The following ZNF445 variants were observed in gnomAD, a reference collection of about 807,000 sequenced individuals.
ZNF445 encodes zinc finger protein 445, also known as zinc finger protein 168.
A neutral mutation model predicts 93.9 loss-of-function variants in ZNF445; 19 were observed. That is an observed-to-expected ratio of 0.20 (90% confidence interval 0.14 to 0.30). The LOEUF (loss-of-function observed/expected upper bound fraction) is 0.30. ZNF445 is among the 10% of genes least tolerant of loss of function. The probability of loss-of-function intolerance (pLI) is 1.00; values close to 1 mark genes in which losing one functional copy is unlikely to be tolerated. For missense variants in ZNF445, 1,058 were observed against 1,259.4 expected, an observed-to-expected ratio of 0.84 and a Z score of 2.42; for synonymous variants, 449 against 446.3, an observed-to-expected ratio of 1.01 and a Z score of -0.08.
chr3:44,441,000 A>G lies in ZNF445; in HGVS notation c.*5575T>C, dbSNP rs1443097984. On this transcript the variant is annotated 3_prime_UTR_variant, in exon 8 of 8. Transcript: ENST00000396077. The stretch of plus-strand genomic sequence containing the variant: ...ACCATCTTGGCTCACTGCAACCTCC[A>G]ACTCCCGGGATCTAGAGATTCTCCT... 2 of 147,208 alleles carry G rather than the reference A, an allele frequency of 1.4e-5. No homozygotes were observed. The highest frequency in any genetic ancestry group is 5.0e-5 in the African/African-American group (2 of 39,718). The allele number at this position is 147,208 out of a possible 1,614,324, so 9.1% of individuals were successfully genotyped here. A position where few individuals can be genotyped will look rare whatever the true frequency, so the allele number is the denominator to read the frequency against.
rs1697789712 is a variant in ZNF445, at chr3:44,440,507, T to A, written c.*6068A>T. The A allele has an allele frequency of 1.3e-5, 2 of 152,192 alleles. No homozygotes were observed. The highest frequency in any genetic ancestry group is 4.1e-4 in the South Asian group (2 of 4,830). 9.4% of individuals were successfully genotyped at this position (152,192 alleles called of 1,614,324 possible). A position where few individuals can be genotyped will look rare whatever the true frequency, so the allele number is the denominator to read the frequency against. On this transcript the variant is annotated 3_prime_UTR_variant, in exon 8 of 8. Transcript: ENST00000396077. ...GTGCGTCAGTATATAGAGAACATCCTCATTTTTAAAAAAACTGTGGCCTGG... is the reference window on the plus strand; with the variant it reads ...GTGCGTCAGTATATAGAGAACATCCACATTTTTAAAAAAACTGTGGCCTGG...
chr3:44,431,915 TTTTA>T lies in ZNF445; in HGVS notation c.*14656_*14659del, dbSNP rs1385888348. The T allele has an allele frequency of 6.7e-6, 1 of 149,364 alleles. No homozygotes were observed. Among genetic ancestry groups the T allele is most frequent in the Non-Finnish European group, 1.5e-5 (1 of 68,020 alleles). The allele number at this position is 149,364 out of a possible 1,614,324, so 9.3% of individuals were successfully genotyped here. A position where few individuals can be genotyped will look rare whatever the true frequency, so the allele number is the denominator to read the frequency against. On this transcript the variant is annotated 3_prime_UTR_variant, in exon 8 of 8. Coordinates refer to ENST00000396077, the MANE Select transcript of ZNF445 (RefSeq NM_181489.6). ...ATCTGAAGATTATATGAAATTTATT[TTTTA>T]TTTTTTATTTTTTTGAGACAGGGTC... is the stretch of plus-strand genomic sequence containing the variant.
In ZNF445 at chr3:44,433,301, A is replaced by G. The variant is rs1697600209; in HGVS notation, c.*13274T>C. 6.6e-6 allele frequency: 1 copy of G among 152,076 alleles called. No homozygotes were observed. The highest frequency in any genetic ancestry group is 2.1e-4 in the South Asian group (1 of 4,822). The allele number at this position is 152,076 out of a possible 1,614,324, so 9.4% of individuals were successfully genotyped here. ...GGCTACTTTTGTATTTTTAGTAGAGACAGGGAGTTCAGACTGGTCTCGAAC... is the reference window on the plus strand; with the variant it reads ...GGCTACTTTTGTATTTTTAGTAGAGGCAGGGAGTTCAGACTGGTCTCGAAC... On this transcript the variant is annotated 3_prime_UTR_variant, in exon 8 of 8. Transcript: ENST00000396077.
rs923033589 is a variant in ZNF445 at position 44,441,533 on chromosome 3, C to T, written c.*5042G>A. ...CTGGTTCAAACGCCTCTGACACTCC[C>T]AATTTTTGCAGGTGAGGAAATGGAA... On this transcript the variant is annotated 3_prime_UTR_variant, in exon 8 of 8. Transcript: ENST00000396077. 9 of 152,170 alleles carry T rather than the reference C, an allele frequency of 5.9e-5. No homozygotes were observed. Among genetic ancestry groups the T allele is most frequent in the African/African-American group, 2.2e-4 (9 of 41,438 alleles). The allele number at this position is 152,170 out of a possible 1,614,324, so 9.4% of individuals were successfully genotyped here.
At chr3:44,449,463 G>A in intron 7 of ZNF445, 50 bp downstream of exon 7, 1 of 1,428,120 alleles carries the variant, frequency 7.0e-7, no homozygotes, top group African/African-American at 1.4e-5. Flanking sequence ...TTAAGAAAGA[G>A]AAAAGTAAAA....
rs942995807 is a variant in ZNF445 at position 44,435,557 on chromosome 3, T to C, written c.*11018A>G. On this transcript the variant is annotated 3_prime_UTR_variant, in exon 8 of 8. Transcript: ENST00000396077. ...AGTGGAGATGTGTTCCCGTCTTTGATGGTGGCACTAATCTCAACAATCTCT... is the reference window on the plus strand; with the variant it reads ...AGTGGAGATGTGTTCCCGTCTTTGACGGTGGCACTAATCTCAACAATCTCT... 6.6e-6 allele frequency: 1 copy of C among 152,196 alleles called. No homozygotes were observed. Among genetic ancestry groups the C allele is most frequent in the African/African-American group, 2.4e-5 (1 of 41,450 alleles). The allele number at this position is 152,196 out of a possible 1,614,324, so 9.4% of individuals were successfully genotyped here.
rs1211875709 is a variant in ZNF445, at chr3:44,443,752, T to C, written c.*2823A>G. ...GCCTGGGTAACAGAGTGAGACTCCGTATCAAAAAAAAAAAAAAATTCAGTT... is the reference window on the plus strand; with the variant it reads ...GCCTGGGTAACAGAGTGAGACTCCGCATCAAAAAAAAAAAAAAATTCAGTT... On this transcript the variant is annotated 3_prime_UTR_variant, in exon 8 of 8. Transcript: ENST00000396077. 1 of 143,744 alleles carries C rather than the reference T, an allele frequency of 7.0e-6. No homozygotes were observed. Among genetic ancestry groups the C allele is most frequent in the African/African-American group, 2.6e-5 (1 of 37,836 alleles). 8.9% of individuals were successfully genotyped at this position (143,744 alleles called of 1,614,324 possible).
rs1697906493 is a variant in ZNF445, at chr3:44,448,239, G to C, written c.1432C>G (p.Leu478Val). The change falls in exon 8 of 8, where the codon CTT (leucine) becomes GTT (valine). Residue 478 changes from leucine (L) to valine (V), a missense_variant. Physicochemically the swap from Leu to Val is conservative, Grantham distance 32 (BLOSUM62 1). Coordinates refer to ENST00000396077, the MANE Select transcript of ZNF445 (RefSeq NM_181489.6). ...TTAAATGACACTCCCACTGTGTGAAGACTCTGCCCACGTTGGTGATGAGAG... is the reference window on the plus strand; with the variant it reads ...TTAAATGACACTCCCACTGTGTGAACACTCTGCCCACGTTGGTGATGAGAG... ...LSSHHQRGQS[L>V]HTVGVSFKCS... The C allele has an allele frequency of 5.0e-6, 8 of 1,614,196 alleles. No homozygotes were observed. Among genetic ancestry groups the C allele is most frequent in the Non-Finnish European group, 5.1e-6 (6 of 1,180,046 alleles).
rs9811987 is a variant in ZNF445, at chr3:44,432,324, G to A, written c.*14251C>T. Reference sequence around the variant, plus strand: ...GTGTGTGTGTGGATGGAGATAGAGAGAGAGGGATTTATGAATTTATGATAA... The same window carrying A: ...GTGTGTGTGTGGATGGAGATAGAGAAAGAGGGATTTATGAATTTATGATAA... On this transcript the variant is annotated 3_prime_UTR_variant, in exon 8 of 8. Coordinates refer to ENST00000396077, the MANE Select transcript of ZNF445 (RefSeq NM_181489.6). 2.0e-5 allele frequency: 3 copies of A among 151,762 alleles called. No homozygotes were observed. Among genetic ancestry groups the A allele is most frequent in the African/African-American group, 7.3e-5 (3 of 41,102 alleles). The allele number at this position is 151,762 out of a possible 1,614,324, so 9.4% of individuals were successfully genotyped here.
chr3:44,448,168 C>T lies in ZNF445; in HGVS notation c.1503G>A (p.Ala501=), dbSNP rs188162953. The change falls in exon 8 of 8, where the codon GCG becomes GCA. Residue 501 remains alanine, a synonymous_variant. Transcript: ENST00000396077. ...CTTGAGTGTGAAGTCTCTGATGATA[C>T]GCAAGATGGGAGCTATGACTGAAAG... ...GRTFSHSSHL[A]YHQRLHTQEK... is the part of the protein sequence containing the mutation. 132 of 1,614,176 alleles carry T rather than the reference C, an allele frequency of 8.2e-5. No homozygotes were observed. The East Asian group carries it at 1.2e-3, about 15-fold the overall frequency.
Position 44,469,983 on chromosome 3 carries a change from A to T in ZNF445, c.-269+7608T>A, listed in dbSNP as rs140548595. The stretch of plus-strand genomic sequence containing the variant: ...CACTCTGTCATCCAGGCTGGAGTGC[A>T]GTAGCACGATCACAGCTCACTGCAG... On this transcript the variant is annotated intron_variant, in intron 1 of 7. Transcript: ENST00000396077. Among the ~76,000 whole-genome samples, 58 of 152,226 alleles carry T rather than the reference A, an allele frequency of 3.8e-4. No homozygotes were observed. The East Asian group carries it at 0.011, about 28-fold the overall frequency.
At position 44,434,810 on chromosome 3, in the gene ZNF445, C is replaced by T. The variant is rs1697643219; in HGVS notation, c.*11765G>A. 6.6e-6 allele frequency: 1 copy of T among 152,166 alleles called. No homozygotes were observed. Among genetic ancestry groups the T allele is most frequent in the South Asian group, 2.1e-4 (1 of 4,834 alleles). 9.4% of individuals were successfully genotyped at this position (152,166 alleles called of 1,614,324 possible). A position where few individuals can be genotyped will look rare whatever the true frequency, so the allele number is the denominator to read the frequency against. ...GGTGTGCCACACTTCGCCTGCCCCG[C>T]TTGCTTTTGGTTGCTTGCTCTTTGT... On this transcript the variant is annotated 3_prime_UTR_variant, in exon 8 of 8. Coordinates refer to ENST00000396077, the MANE Select transcript of ZNF445 (RefSeq NM_181489.6).
intron 3 of ZNF445, 94 bp from the exon 4 acceptor site, chr3:44,451,576 G>A: frequency 7.2e-7 from 1 of 1,389,910 alleles, no homozygotes; most frequent in South Asian, 1.4e-5. Flanking sequence ...AAGGACAAAG[G>A]CCGAGGGATA....
rs535550656 is a variant in ZNF445, at chr3:44,447,931, G to A, written c.1740C>T (p.Tyr580=). 3.1e-6 allele frequency: 5 copies of A among 1,613,696 alleles called. No individual in the cohort carries two copies. The Admixed American group carries it at 8.3e-5, about 27-fold the overall frequency. Reference sequence around the variant, plus strand: ...CCAAATGATGATCAAACCCTGAGCTGTAGGTGAGAGCTGCCCTATACTGAT... The same window carrying A: ...CCAAATGATGATCAAACCCTGAGCTATAGGTGAGAGCTGCCCTATACTGAT... ...ELNQYRAALT[Y]SSGFDHHLGD... The change falls in exon 8 of 8, where the codon TAC becomes TAT. Residue 580 remains tyrosine (Y), a synonymous_variant. Coordinates refer to ENST00000396077, the MANE Select transcript of ZNF445 (RefSeq NM_181489.6). This position sits in a 1 kb window ranked among gnomAD's most constrained non-coding sequence, Gnocchi z 4.7.
rs1228559838 is a variant in ZNF445 at position 44,435,334 on chromosome 3, T to C, written c.*11241A>G. 2 of 152,200 alleles carry C rather than the reference T, an allele frequency of 1.3e-5. No homozygotes were observed. Among genetic ancestry groups the C allele is most frequent in the Non-Finnish European group, 2.9e-5 (2 of 68,038 alleles). The allele number at this position is 152,200 out of a possible 1,614,324, so 9.4% of individuals were successfully genotyped here. A position where few individuals can be genotyped will look rare whatever the true frequency, so the allele number is the denominator to read the frequency against. ...CCATGTCACAGTGATTGATTTACTG[T>C]GTGAGAACAGAACAAACCTGGGCCT... On this transcript the variant is annotated 3_prime_UTR_variant, in exon 8 of 8. Transcript: ENST00000396077.
Position 44,447,958 on chromosome 3 carries a change from C to A in ZNF445, c.1713G>T (p.Leu571Phe). Reference protein sequence around the residue: ...ETHAKKKFLELNQYRAALTYS... With the variant: ...ETHAKKKFLEFNQYRAALTYS... The stretch of plus-strand genomic sequence containing the variant: ...AGGTGAGAGCTGCCCTATACTGATT[C>A]AATTCAAGAAATTTCTTCTTAGCAT... The change falls in exon 8 of 8, where the codon TTG becomes TTT. Residue 571 changes from leucine to phenylalanine, a missense_variant. Leu to Phe is a conservative substitution (Grantham distance 22, BLOSUM62 0). Transcript: ENST00000396077. This position sits in a 1 kb window ranked among gnomAD's most constrained non-coding sequence, Gnocchi z 4.7. The A allele has an allele frequency of 6.2e-7, 1 of 1,613,114 alleles. No homozygotes were observed. The highest frequency in any genetic ancestry group is 8.5e-7 in the Non-Finnish European group (1 of 1,179,992).
chr3:44,454,661 A>C (rs947000683), intron 3 of ZNF445, among the ~76,000 whole-genome samples: 1 of 152,140 alleles, frequency 6.6e-6, no homozygotes, highest in Non-Finnish European at 1.5e-5. Context: ...TCCTGCACTC[A>C]AGCAATCCGC....
At chr3:44,468,565 T>G (rs1401092668) in intron 1 of ZNF445, among the ~76,000 whole-genome samples, 1 of 152,178 alleles carries the variant, frequency 6.6e-6, no homozygotes, top group East Asian at 1.9e-4. Flanking sequence ...AAACTGCTCC[T>G]AAGATCAGTG....
Position 44,455,537 on chromosome 3 carries a change from T to A in ZNF445, c.13A>T (p.Arg5Trp). MPPG[R>W]WHAAYPAQAQ... The stretch of plus-strand genomic sequence containing the variant: ...TGAGCTGGATAGGCAGCATGCCACC[T>A]GCCTGGAGGCATCACTCCTGTTCAG... Residue 5 changes from arginine (R) to tryptophan (W), a missense_variant, in exon 3 of 8, where the codon AGG (arginine) becomes TGG (tryptophan). By Grantham distance (101) the Arg-to-Trp change is moderately radical. Coordinates refer to ENST00000396077, the MANE Select transcript of ZNF445 (RefSeq NM_181489.6). 6.3e-7 allele frequency: 1 copy of A among 1,597,882 alleles called. No homozygotes were observed. The highest frequency in any genetic ancestry group is 1.1e-5 in the South Asian group (1 of 88,118).
Sources: gnomAD v4.1 joint callset for allele counts (sites outside exome capture counted in the v4.1 genomes callset) on GRCh38, gnomAD v4.1.1 for gene constraint, Gnocchi (gnomAD v3.1) non-coding constraint, MANE v1.5 for transcripts, NCBI Gene and HGNC (gene_info 2026-07-23, HGNC 2026-07-21) for gene names.